Variants in TENM2 observed in about 807,000 individuals in gnomAD.
The protein encoded by TENM2 is teneurin-2.
In TENM2, 52 loss-of-function variants were observed where a neutral mutation model predicts 245.2. That is an observed-to-expected ratio of 0.21 (90% CI 0.17 to 0.27). The LOEUF (loss-of-function observed/expected upper bound fraction) is 0.27. TENM2 is among the 10% of genes least tolerant of loss of function. The pLI, the probability that TENM2 is intolerant of heterozygous loss-of-function variation, is 1.00. For synonymous variants in TENM2, 1,363 were observed against 1,438.9 expected (o/e 0.95, Z 1.19); for missense variants, 3,046 against 3,666.8 (o/e 0.83, Z 4.37).
chr5:168,066,453 T>G (rs1790515327), intron 7 of TENM2, among the ~76,000 whole-genome samples: 2 of 152,178 alleles, frequency 1.3e-5, no homozygotes, highest in African/African-American at 4.8e-5. Context: ...CCTCAATCCT[T>G]TTCTTGAAAA....
At chr5:167,671,605 T>C (rs925506984) in intron 2 of TENM2, among the ~76,000 whole-genome samples, 21 of 152,030 alleles carry the variant, frequency 1.4e-4, no homozygotes, top group African/African-American at 4.6e-4. Flanking sequence ...TTTATAGTGA[T>C]CTATTATGTA....
intron 2 of TENM2, among the ~76,000 whole-genome samples, chr5:167,404,611 C>T (rs1019684379): frequency 6.6e-6 from 1 of 152,056 alleles, no homozygotes; most frequent in Non-Finnish European, 1.5e-5. Context: ...GTATTTTTCA[C>T]CATGGTCTCC....
chr5:167,865,060 A>G (rs1772185307), intron 2 of TENM2, among the ~76,000 whole-genome samples: 1 of 152,148 alleles, frequency 6.6e-6, no homozygotes, highest in South Asian at 2.1e-4. Context: ...CTAAGCTCTT[A>G]CAAAATAGAT....
intron 2 of TENM2, among the ~76,000 whole-genome samples, chr5:167,450,196 G>C (rs181440120): frequency 6.6e-6 from 1 of 151,796 alleles, no homozygotes; most frequent in Non-Finnish European, 1.5e-5. Context: ...CTCAAAAAAT[G>C]CATGCTCATT....
intron 2 of TENM2, among the ~76,000 whole-genome samples, chr5:167,593,758 T>A (rs1776027358): frequency 6.6e-6 from 1 of 152,228 alleles, no homozygotes; most frequent in Admixed American, 6.5e-5. Flanking sequence ...GGAAAGAATC[T>A]CTCTGGTTAC....
chr5:167,412,852 A>G (rs1762978523), intron 2 of TENM2, among the ~76,000 whole-genome samples: 1 of 149,932 alleles, frequency 6.7e-6, no homozygotes, highest in African/African-American at 2.4e-5. Flanking sequence ...AGATGAGTGC[A>G]GAGTCTGAAA....
intron 1 of TENM2, among the ~76,000 whole-genome samples, chr5:167,340,069 T>C (rs982291604): frequency 5.3e-5 from 8 of 152,226 alleles, no homozygotes; most frequent in African/African-American, 1.9e-4. Context: ...AATACTCAAT[T>C]GCATCACTTG....
chr5:167,650,543 A>G (rs1754387279), intron 2 of TENM2, among the ~76,000 whole-genome samples: 3 of 152,222 alleles, frequency 2.0e-5, no homozygotes, highest in African/African-American at 7.2e-5. Context: ...TTTTATTTGT[A>G]ATAGTTGCTG....
intron 3 of TENM2, among the ~76,000 whole-genome samples, chr5:167,920,515 T>TCACA (rs58866696): frequency 0.19 from 24,835 of 129,230 alleles, 2,513 homozygotes; most frequent in East Asian, 0.3. Context: ...CGAAACTCCA[T>TCACA]CACACACACA....
At chr5:167,604,608 A>G (rs1776894972) in intron 2 of TENM2, among the ~76,000 whole-genome samples, 1 of 152,090 alleles carries the variant, frequency 6.6e-6, no homozygotes, top group South Asian at 2.1e-4. Flanking sequence ...ATTCCCTACT[A>G]TTTTCTCTGT....
chr5:167,056,950 A>C, the TENM2 span, among the ~76,000 whole-genome samples: 1 of 151,426 alleles, frequency 6.6e-6, no homozygotes, highest in African/African-American at 2.4e-5. Context: ...TTCTCCTTCT[A>C]ATATTCCCAT....
intron 6 of TENM2, among the ~76,000 whole-genome samples, chr5:168,054,336 GCAGT>G (rs1276142478): frequency 6.6e-6 from 1 of 152,208 alleles, no homozygotes; most frequent in Non-Finnish European, 1.5e-5. Context: ...GTATTCTTGG[GCAGT>G]CAATCTAAGG....
the TENM2 span, among the ~76,000 whole-genome samples, chr5:167,139,065 G>T: frequency 3.7e-3 from 562 of 152,272 alleles, no homozygotes; most frequent in Non-Finnish European, 6.2e-3. Context: ...TACAATGATT[G>T]TTTGGCAAGA....
the TENM2 span, among the ~76,000 whole-genome samples, chr5:167,162,538 G>T: frequency 5.1e-4 from 77 of 151,520 alleles, no homozygotes; most frequent in African/African-American, 1.8e-3. Flanking sequence ...TGAGGCAGGA[G>T]AATTGCTTGA....
chr5:167,455,575 C>T (rs1765869038), intron 2 of TENM2, among the ~76,000 whole-genome samples: 1 of 149,298 alleles, frequency 6.7e-6, no homozygotes, highest in Admixed American at 6.8e-5. Context: ...GCATGTAATT[C>T]ACTGTTGCTT....
At chr5:167,317,429 A>G (rs767073801) in intron 1 of TENM2, among the ~76,000 whole-genome samples, 1 of 152,130 alleles carries the variant, frequency 6.6e-6, no homozygotes, top group Non-Finnish European at 1.5e-5. Context: ...CCATGAAAAG[A>G]CCAACTCATC....
chr5:167,323,515 T>A (rs1478391588), intron 1 of TENM2, among the ~76,000 whole-genome samples: 1 of 152,092 alleles, frequency 6.6e-6, no homozygotes, highest in Non-Finnish European at 1.5e-5. Context: ...ATCTAACACC[T>A]CTGAGTTTTT....
chr5:167,998,554 A>T (rs1310792959), intron 5 of TENM2, among the ~76,000 whole-genome samples: 1 of 152,198 alleles, frequency 6.6e-6, no homozygotes, highest in Non-Finnish European at 1.5e-5. Flanking sequence ...ACAATACGCA[A>T]CATACACTGA....
chr5:167,563,504 T>C (rs374183484), intron 2 of TENM2, among the ~76,000 whole-genome samples: 4 of 152,186 alleles, frequency 2.6e-5, no homozygotes, highest in South Asian at 2.1e-4. Flanking sequence ...TTGCACCAAC[T>C]GTGTGTCCTT....
Sources: allele counts gnomAD v4.1 joint callset (sites outside exome capture counted in the v4.1 genomes callset), GRCh38; gene constraint gnomAD v4.1.1; transcripts MANE v1.5; gene names NCBI Gene and HGNC (gene_info 2026-07-23, HGNC 2026-07-21).